PRKAR2B: variants seen among roughly 807,000 people sequenced by gnomAD.
The protein encoded by PRKAR2B is cAMP-dependent protein kinase type II-beta regulatory subunit.
In PRKAR2B, 14 loss-of-function variants were observed where a neutral mutation model predicts 49.9. That is an observed-to-expected ratio of 0.28 (90% confidence interval 0.19 to 0.44). The LOEUF (loss-of-function observed/expected upper bound fraction) is 0.44. Among genes scored for constraint, PRKAR2B ranks in the 20% least tolerant of loss-of-function variants. The pLI, the probability that PRKAR2B is intolerant of heterozygous loss-of-function variation, is 1.00. For synonymous variants in PRKAR2B, 196 were observed against 197.7 expected, an observed-to-expected ratio of 0.99 and a Z score of 0.07; for missense variants, 393 against 537.9, an observed-to-expected ratio of 0.73 and a Z score of 2.67.
intron 2 of PRKAR2B, among the ~76,000 whole-genome samples, chr7:107,116,103 A>G (rs762189508): frequency 2.0e-5 from 3 of 152,188 alleles, no homozygotes; most frequent in Non-Finnish European, 4.4e-5. Flanking sequence ...GCAGTATGCA[A>G]TTTCTTTATG....
Position 107,146,394 on chromosome 7 carries a change from C to T in PRKAR2B, c.674C>T (p.Ala225Val). 1 of 1,614,150 alleles carries T rather than the reference C, an allele frequency of 6.2e-7. No homozygotes were observed. Among genetic ancestry groups the T allele is most frequent in the Non-Finnish European group, 8.5e-7 (1 of 1,180,008 alleles). The stretch of plus-strand genomic sequence containing the variant: ...AATCGTGGGAGTTTCGGCGAACTGG[C>T]CTTAATGTACAATACACCCAGAGCA... ...YDNRGSFGEL[A>V]LMYNTPRAAT... The change falls in exon 6 of 11, where the codon GCC becomes GTC. Residue 225 changes from alanine (A) to valine (V), a missense_variant. This residue lies in a region of PRKAR2B where 233 missense variants were observed against 390.4 expected (regional missense o/e 0.60). Coordinates refer to ENST00000265717, the MANE Select transcript of PRKAR2B (RefSeq NM_002736.3).
intron 1 of PRKAR2B, among the ~76,000 whole-genome samples, chr7:107,056,861 A>G (rs1203893080): frequency 1.3e-5 from 2 of 152,218 alleles, no homozygotes; most frequent in Non-Finnish European, 2.9e-5. Context: ...TAAAAATACA[A>G]CGTGAGGCTT....
intron 5 of PRKAR2B, 88 bp downstream of exon 5, chr7:107,141,041 T>C (rs908855780): frequency 1.1e-5 from 10 of 940,182 alleles, no homozygotes; most frequent in African/African-American, 3.3e-5. Context: ...CAGGTTAATA[T>C]AGGATAGTTG....
In PRKAR2B at chr7:107,128,180, G is replaced by A. The variant is rs759525426; in HGVS notation, c.397-32G>A. 2.1e-6 allele frequency: 3 copies of A among 1,414,210 alleles called. No homozygotes were observed. In the South Asian group the frequency reaches 3.5e-5, roughly 16 times the overall value. The allele number at this position is 1,414,210 out of a possible 1,614,324, so 87.6% of individuals were successfully genotyped here. ...TTTGAGTGAGATGGTATTGGCTAAT[G>A]TCTTTGTTTTTTAAATCTGATGTCC... On this transcript the variant is annotated intron_variant, in intron 3 of 10. Coordinates refer to ENST00000265717, the MANE Select transcript of PRKAR2B (RefSeq NM_002736.3).
chr7:107,140,514 A>G (rs1795772932), intron 4 of PRKAR2B, among the ~76,000 whole-genome samples: 1 of 152,228 alleles, frequency 6.6e-6, no homozygotes, highest in African/African-American at 2.4e-5. Flanking sequence ...ATAATTCCTT[A>G]CTAACCTGAT....
At chr7:107,066,437 C>T (rs912090732) in intron 1 of PRKAR2B, among the ~76,000 whole-genome samples, 2 of 151,908 alleles carry the variant, frequency 1.3e-5, no homozygotes, top group South Asian at 4.2e-4. Context: ...CATCTGTTAA[C>T]ATTTTTTGGG....
chr7:107,072,824 T>G (rs1290600852), intron 2 of PRKAR2B, among the ~76,000 whole-genome samples: 2 of 152,154 alleles, frequency 1.3e-5, no homozygotes, highest in Admixed American at 6.5e-5. Context: ...TCTGATTGAG[T>G]TTTCAGAGAT....
chr7:107,141,449 GGGAA>G (rs1795788090), intron 5 of PRKAR2B, among the ~76,000 whole-genome samples: 1 of 152,186 alleles, frequency 6.6e-6, no homozygotes, highest in Non-Finnish European at 1.5e-5. Flanking sequence ...TCAGCACTTT[GGGAA>G]GCCGAGGCCA....
At chr7:107,122,448 G>T (rs897082056) in intron 3 of PRKAR2B, among the ~76,000 whole-genome samples, 1 of 152,150 alleles carries the variant, frequency 6.6e-6, no homozygotes, top group African/African-American at 2.4e-5. Flanking sequence ...TTCATAGTTT[G>T]CTCAGCAGCT....
At chr7:107,104,409 C>T (rs1179974214) in intron 2 of PRKAR2B, among the ~76,000 whole-genome samples, 2 of 152,150 alleles carry the variant, frequency 1.3e-5, no homozygotes, top group Admixed American at 1.3e-4. Context: ...TCTTTTCATT[C>T]CTGGGCTAAG....
intron 4 of PRKAR2B, chr7:107,129,012 A>G (rs1400124465): frequency 6.6e-6 from 1 of 152,170 alleles, no homozygotes; most frequent in Non-Finnish European, 1.5e-5. Context: ...ATGTGAAAAT[A>G]GAGTCAACTT....
chr7:107,045,039 GC>G lies in PRKAR2B; in HGVS notation c.133del (p.Arg45AlafsTer61). 1 of 1,548,936 alleles carries G rather than the reference GC, an allele frequency of 6.5e-7. No homozygotes were observed. Among genetic ancestry groups the G allele is most frequent in the Non-Finnish European group, 8.7e-7 (1 of 1,150,580 alleles). ...TCACCCGCCTGCAGCAGGAGAACGA[GC>G]GCAAAGGCACCGCGCGCTTCGGCCA... ...HFTRLQQENE[R>X]KGTARFGHEG... On this transcript the variant is annotated frameshift_variant, in exon 1 of 11. Transcript: ENST00000265717. LOFTEE classifies it high-confidence loss of function.
chr7:107,076,556 C>T (rs1278467275), intron 2 of PRKAR2B, among the ~76,000 whole-genome samples: 3 of 152,210 alleles, frequency 2.0e-5, no homozygotes, highest in South Asian at 4.2e-4. Flanking sequence ...TATGCCCCAC[C>T]GACGTCCATG....
intron 2 of PRKAR2B, among the ~76,000 whole-genome samples, chr7:107,096,353 C>A (rs1794837151): frequency 6.6e-6 from 1 of 151,886 alleles, no homozygotes; most frequent in African/African-American, 2.4e-5. Context: ...GGTGATATCC[C>A]CTTTATCATT....
At chr7:107,047,981 G>A (rs921715220) in intron 1 of PRKAR2B, among the ~76,000 whole-genome samples, 1 of 152,110 alleles carries the variant, frequency 6.6e-6, no homozygotes, top group African/African-American at 2.4e-5. Context: ...AAACATAATT[G>A]CCGTTAGTTG....
chr7:107,134,607 T>C (rs1406681880), intron 4 of PRKAR2B, among the ~76,000 whole-genome samples: 1 of 152,196 alleles, frequency 6.6e-6, no homozygotes, highest in Non-Finnish European at 1.5e-5. Context: ...TGAAAAGCTA[T>C]GGTAATCAAA....
At chr7:107,132,784 A>G (rs943517769) in intron 4 of PRKAR2B, among the ~76,000 whole-genome samples, 2 of 152,152 alleles carry the variant, frequency 1.3e-5, no homozygotes, top group Non-Finnish European at 2.9e-5. Context: ...TTTCATTTGA[A>G]TTTCCCGAAG....
chr7:107,048,521 A>C (rs1411255471), intron 1 of PRKAR2B, among the ~76,000 whole-genome samples: 1 of 152,202 alleles, frequency 6.6e-6, no homozygotes, highest in Non-Finnish European at 1.5e-5. Flanking sequence ...GTTTTTGACC[A>C]TGCAACTTGT....
Position 107,045,255 on chromosome 7 carries a change from C to T in PRKAR2B, c.307+41C>T, listed in dbSNP as rs1466554630. 6 of 1,387,540 alleles carry T rather than the reference C, an allele frequency of 4.3e-6. No individual in the cohort carries two copies. The South Asian group carries it at 9.2e-5, about 21-fold the overall frequency. The allele number at this position is 1,387,540 out of a possible 1,614,324, so 86.0% of individuals were successfully genotyped here. ...CCCACTTCGCGCCCCCGGATCCCCTCGCTGCCCCCCACCGCTCCCCGCTGT... is the reference window on the plus strand; with the variant it reads ...CCCACTTCGCGCCCCCGGATCCCCTTGCTGCCCCCCACCGCTCCCCGCTGT... On this transcript the variant is annotated intron_variant, in intron 1 of 10. Transcript: ENST00000265717.
Sources: gnomAD v4.1 joint callset for allele counts (sites outside exome capture counted in the v4.1 genomes callset) on GRCh38, gnomAD v4.1.1 for gene constraint, gnomAD v4.1.1 regional missense constraint, MANE v1.5 for transcripts, NCBI Gene and HGNC (gene_info 2026-07-23, HGNC 2026-07-21) for gene names.